The following ASH1L variants were observed in gnomAD, a reference collection of about 807,000 sequenced individuals.
ASH1L encodes ASH1 like histone lysine methyltransferase, also known as histone-lysine N-methyltransferase ASH1L.
A neutral mutation model predicts 269.0 loss-of-function variants in ASH1L; 23 were observed. The ratio of observed to expected loss-of-function variants is 0.09; its 90% CI spans 0.06 to 0.12. ASH1L has a LOEUF of 0.12. ASH1L is among the 10% of genes least tolerant of loss of function. The probability of loss-of-function intolerance (pLI) is 1.00; values close to 1 mark genes in which losing one functional copy is unlikely to be tolerated. For synonymous variants in ASH1L, 1,187 were observed against 1,253.5 expected (o/e 0.95, Z 1.12); for missense variants, 2,912 against 3,567.8 (o/e 0.82, Z 4.68).
rs779550166 is a variant in ASH1L at position 155,343,074 on chromosome 1, C to T, written c.8293+240G>A. 5.2e-5 allele frequency: 21 copies of T among 401,944 alleles called. No individual in the cohort carries two copies. Among genetic ancestry groups the T allele is most frequent in the East Asian group, 2.2e-4 (5 of 22,982 alleles). 24.9% of individuals were successfully genotyped at this position (401,944 alleles called of 1,614,324 possible). A position where few individuals can be genotyped will look rare whatever the true frequency, so the allele number is the denominator to read the frequency against. On this transcript the variant is annotated intron_variant, in intron 24 of 27. Transcript: ENST00000392403. The surrounding 1 kb of genome is among the most constrained non-coding windows in gnomAD (Gnocchi z 6.1). Reference sequence around the variant, plus strand: ...TTGCACAGGTTGGAGTGCAGTGGTGCGATCTTGGCTCACTGCAACCTCTGC... The same window carrying T: ...TTGCACAGGTTGGAGTGCAGTGGTGTGATCTTGGCTCACTGCAACCTCTGC...
intron 2 of ASH1L, among the ~76,000 whole-genome samples, chr1:155,484,226 C>G (rs1253920528): frequency 6.6e-6 from 1 of 152,164 alleles, no homozygotes; most frequent in Non-Finnish European, 1.5e-5. Context: ...TGGTGGCTCA[C>G]GCCTGTAATC....
intron 20 of ASH1L, 44 bp downstream of exon 20, chr1:155,347,612 G>A (rs754956553): frequency 3.7e-6 from 6 of 1,607,514 alleles, no homozygotes; most frequent in Admixed American, 3.3e-5. Flanking sequence ...TATGGTCACC[G>A]TGTTCATCAG....
intron 4 of ASH1L, among the ~76,000 whole-genome samples, chr1:155,441,303 C>T (rs1316581974): frequency 1.3e-5 from 2 of 151,626 alleles, no homozygotes; most frequent in Non-Finnish European, 2.9e-5. Context: ...CTCCACCCCC[C>T]ACTCCCACCC....
chr1:155,533,002 G>A (rs948146393), intron 1 of ASH1L, among the ~76,000 whole-genome samples: 1 of 150,752 alleles, frequency 6.6e-6, no homozygotes, highest in Admixed American at 6.7e-5. Flanking sequence ...GTGTGTTGGT[G>A]GCGAAGGTCT....
At chr1:155,475,810 G>A (rs916200058) in intron 3 of ASH1L, among the ~76,000 whole-genome samples, 1 of 152,120 alleles carries the variant, frequency 6.6e-6, no homozygotes, top group African/African-American at 2.4e-5. Flanking sequence ...CACCTTCTCA[G>A]GAAAGACTTC....
chr1:155,402,881 T>TTTC (rs1553252216), intron 6 of ASH1L, among the ~76,000 whole-genome samples: 3 of 146,410 alleles, frequency 2.0e-5, no homozygotes, highest in African/African-American at 7.5e-5. Context: ...TTTTTTTTTT[T>TTTC]CAGCATAAAA....
At position 155,337,403 on chromosome 1, in the gene ASH1L, C is replaced by T; in HGVS notation, c.*257G>A. The T allele has an allele frequency of 3.2e-6, 1 of 313,298 alleles. No homozygotes were observed. Among genetic ancestry groups the T allele is most frequent in the Non-Finnish European group, 6.0e-6 (1 of 165,884 alleles). The allele number at this position is 313,298 out of a possible 1,614,324, so 19.4% of individuals were successfully genotyped here. A position where few individuals can be genotyped will look rare whatever the true frequency, so the allele number is the denominator to read the frequency against. ...GGTTCTGGTCATCAATGTGGTCCTC[C>T]CTCCTCTCTACATTATTAACCCTTA... is the stretch of plus-strand genomic sequence containing the variant. On this transcript the variant is annotated 3_prime_UTR_variant, in exon 28 of 28. Coordinates refer to ENST00000392403, the MANE Select transcript of ASH1L (RefSeq NM_018489.3).
intron 1 of ASH1L, among the ~76,000 whole-genome samples, chr1:155,558,003 C>T (rs962799170): frequency 2.6e-5 from 4 of 152,024 alleles, no homozygotes; most frequent in South Asian, 2.1e-4. Context: ...AAATGGAGAC[C>T]ACCACCACCA....
chr1:155,481,621 T>C lies in ASH1L; in HGVS notation c.1249A>G (p.Ile417Val). 1 of 1,614,164 alleles carries C rather than the reference T, an allele frequency of 6.2e-7. No individual in the cohort carries two copies. Among genetic ancestry groups the C allele is most frequent in the Non-Finnish European group, 8.5e-7 (1 of 1,180,008 alleles). The stretch of plus-strand genomic sequence containing the variant: ...TTAAGGTTTATGGCATCTTTACTGA[T>C]CAGACCTGCCAAAGGACAACTCATT... ...KLMSCPLAGL[I>V]SKDAINLKAE... Residue 417 changes from isoleucine to valine, a missense_variant, in exon 3 of 28, where the codon ATC becomes GTC. Transcript: ENST00000392403.
chr1:155,365,268 C>G (rs1339097866), intron 12 of ASH1L, among the ~76,000 whole-genome samples: 1 of 151,752 alleles, frequency 6.6e-6, no homozygotes, highest in Non-Finnish European at 1.5e-5. Context: ...TGCAGTGGCA[C>G]AATCTCAGCT....
At chr1:155,422,240 G>A (rs1388428469) in intron 5 of ASH1L, among the ~76,000 whole-genome samples, 4 of 150,592 alleles carry the variant, frequency 2.7e-5, no homozygotes, top group South Asian at 2.1e-4. Context: ...GGGTTCAAGC[G>A]ATTCTCCTGC....
chr1:155,474,252 T>G (rs1165320524), intron 3 of ASH1L, among the ~76,000 whole-genome samples: 1 of 152,176 alleles, frequency 6.6e-6, no homozygotes, highest in Non-Finnish European at 1.5e-5. Context: ...AGAAGCCCTT[T>G]TTAGTGAATG....
intron 5 of ASH1L, among the ~76,000 whole-genome samples, chr1:155,432,092 A>G (rs1049646715): frequency 3.9e-5 from 6 of 152,142 alleles, no homozygotes; most frequent in Non-Finnish European, 8.8e-5. Context: ...AATCTTTAAT[A>G]TATCATACAA....
chr1:155,454,682 C>A (rs1326125303), intron 4 of ASH1L, among the ~76,000 whole-genome samples: 1 of 151,976 alleles, frequency 6.6e-6, no homozygotes, highest in Non-Finnish European at 1.5e-5. Context: ...GCAGGAGAAT[C>A]GCATGAACCT....
intron 2 of ASH1L, among the ~76,000 whole-genome samples, chr1:155,495,628 G>A (rs555750891): frequency 6.6e-6 from 1 of 152,254 alleles, no homozygotes; most frequent in Admixed American, 6.5e-5. Context: ...GGACATTACT[G>A]TACACTACTG....
intron 20 of ASH1L, 83 bp downstream of exon 20, chr1:155,347,573 C>A: frequency 6.4e-7 from 1 of 1,563,290 alleles, no homozygotes; most frequent in South Asian, 1.1e-5. Flanking sequence ...TCAAGCCAAT[C>A]CAAAAGAGGC....
chr1:155,532,593 C>T (rs190893724), intron 1 of ASH1L, among the ~76,000 whole-genome samples: 6 of 151,900 alleles, frequency 3.9e-5, no homozygotes, highest in African/African-American at 1.4e-4. Context: ...GAGGCTGAGG[C>T]GAGTGGATCA....
At chr1:155,536,632 C>G in intron 1 of ASH1L, among the ~76,000 whole-genome samples, 1 of 152,102 alleles carries the variant, frequency 6.6e-6, no homozygotes, top group East Asian at 1.9e-4. Flanking sequence ...ATGAGGGAGG[C>G]TAATCCAGGA....
Position 155,343,477 on chromosome 1 carries a change from C to A in ASH1L, c.8130G>T (p.Arg2710=), listed in dbSNP as rs771796570. The A allele has an allele frequency of 6.2e-7, 1 of 1,613,864 alleles. No individual in the cohort carries two copies. Among genetic ancestry groups the A allele is most frequent in the African/African-American group, 1.3e-5 (1 of 75,010 alleles). The change falls in exon 24 of 28, where the codon CGG becomes CGT. Residue 2710 remains arginine, a synonymous_variant. Coordinates refer to ENST00000392403, the MANE Select transcript of ASH1L (RefSeq NM_018489.3). The surrounding 1 kb of genome is among the most constrained non-coding windows in gnomAD (Gnocchi z 6.1). The part of the protein sequence containing the change: ...EKLWKNEKEE[R]FAFGHHYFRP... ...GGAAATAATGGTGACCAAAGGCAAA[C>A]CGTTCCTCTCTAAAACAATGGAAAA...
Sources: gnomAD v4.1 joint callset for allele counts (sites outside exome capture counted in the v4.1 genomes callset) on GRCh38, gnomAD v4.1.1 for gene constraint, Gnocchi (gnomAD v3.1) non-coding constraint, MANE v1.5 for transcripts, NCBI Gene and HGNC (gene_info 2026-07-23, HGNC 2026-07-21) for gene names.